PCDHA8: variants seen among roughly 807,000 people sequenced by gnomAD.
PCDHA8 encodes protocadherin alpha 8, also known as protocadherin alpha-8.
In PCDHA8, 53 loss-of-function variants were observed where a neutral mutation model predicts 61.8. The observed-to-expected ratio is 0.86, with a 90% confidence interval of 0.69 to 1.08. The LOEUF (loss-of-function observed/expected upper bound fraction) is 1.08. Ranked by LOEUF, PCDHA8 falls within the 50% of genes least tolerant of loss-of-function variation. The pLI is 0.00. For missense variants in PCDHA8, 1,293 were observed against 1,245.0 expected (o/e 1.04, Z -0.58); for synonymous variants, 618 against 556.6 (o/e 1.11, Z -1.55).
chr5:140,965,678 T>C (rs937496921), intron 1 of PCDHA8, among the ~76,000 whole-genome samples: 1 of 152,182 alleles, frequency 6.6e-6, no homozygotes, highest in Non-Finnish European at 1.5e-5. Context: ...ATGTAAAAGA[T>C]TTGAAGCAAG....
Position 140,946,631 on chromosome 5 carries a change from T to TATATATATATATATAC in PCDHA8, c.2395-32317_2395-32316insTATATATATATATACA, listed in dbSNP as rs57893927. On this transcript the variant is annotated intron_variant, in intron 1 of 3. Coordinates refer to ENST00000531613, the MANE Select transcript of PCDHA8 (RefSeq NM_018911.3). The stretch of plus-strand genomic sequence containing the variant: ...TGTGAAATATATATATATATATATA[T>TATATATATATATATAC]ACAATGGAATACTCATCAGCCATTA... 8.0e-3 allele frequency among the ~76,000 whole-genome samples: 1,048 copies of TATATATATATATATAC among 131,788 alleles called. 65 individuals carry two copies. Among genetic ancestry groups the TATATATATATATATAC allele is most frequent in the African/African-American group, 0.026 (735 of 28,674 alleles). The allele number at this position is 131,788 out of a possible 152,430, so 86.5% of individuals were successfully genotyped here. A position where few individuals can be genotyped will look rare whatever the true frequency, so the allele number is the denominator to read the frequency against.
chr5:140,884,423 AC>A, intron 1 of PCDHA8: 3 of 1,613,932 alleles, frequency 1.9e-6, no homozygotes, highest in Non-Finnish European at 2.5e-6. Flanking sequence ...GCTGCTGTAT[AC>A]TGCGCTGCGG....
chr5:141,000,421 A>ATAT (rs1265241806), intron 3 of PCDHA8, among the ~76,000 whole-genome samples: 11 of 27,980 alleles, frequency 3.9e-4, no homozygotes, highest in South Asian at 1.9e-3. Flanking sequence ...ATATATATAT[A>ATAT]TTTTTTTTTT....
At chr5:141,005,313 T>C (rs1157761147) in intron 3 of PCDHA8, among the ~76,000 whole-genome samples, 1 of 151,958 alleles carries the variant, frequency 6.6e-6, no homozygotes, top group Non-Finnish European at 1.5e-5. Flanking sequence ...AATCTTACAG[T>C]GGTAGAGAAT....
In PCDHA8 at chr5:140,843,275, A is replaced by ACC; in HGVS notation, c.1954_1955insCC (p.Lys652ThrfsTer9). 6.3e-7 allele frequency: 1 copy of ACC among 1,595,960 alleles called. No homozygotes were observed. The highest frequency in any genetic ancestry group is 2.2e-5 in the East Asian group (1 of 44,824). On this transcript the variant is annotated frameshift_variant, in exon 1 of 4. Transcript: ENST00000531613. LOFTEE classifies it high-confidence loss of function. ...GCGCCACCGTCTGCTGGTCCTGGTG[A>ACC]AGGATCATGGTGAACCTGCGCTGAC...
intron 1 of PCDHA8, chr5:140,968,562 C>G: frequency 6.2e-7 from 1 of 1,614,208 alleles, no homozygotes; most frequent in South Asian, 1.1e-5. Flanking sequence ...CGAACTGCCC[C>G]TGCTGGCTAC....
chr5:140,884,821 G>T (rs1470699415), intron 1 of PCDHA8: 1 of 1,011,638 alleles, frequency 9.9e-7, no homozygotes, highest in Admixed American at 3.4e-5. Context: ...TGGACATTAT[G>T]TGTTGGATTA....
chr5:140,846,306 A>G (rs1444661370), intron 1 of PCDHA8, among the ~76,000 whole-genome samples: 4 of 147,710 alleles, frequency 2.7e-5, no homozygotes, highest in South Asian at 4.3e-4. Context: ...TAAGTAAACC[A>G]TTTATGTAGA....
chr5:140,869,330 A>G (rs1554162906), intron 1 of PCDHA8: 25 of 1,613,778 alleles, frequency 1.5e-5, no homozygotes, highest in Non-Finnish European at 2.0e-5. Context: ...GACCTTCTGG[A>G]GGTAAATCTG....
intron 3 of PCDHA8, among the ~76,000 whole-genome samples, chr5:140,985,090 A>C (rs1214396432): frequency 6.6e-6 from 1 of 152,076 alleles, no homozygotes; most frequent in Non-Finnish European, 1.5e-5. Context: ...GGCGTGTGCC[A>C]CCAAGCCTGG....
Position 140,843,444 on chromosome 5 carries a change from C to G in PCDHA8, c.2123C>G (p.Ser708Cys). The G allele has an allele frequency of 1.3e-6, 2 of 1,596,146 alleles. 1 individual carries two copies. ...CTGATCATCGCCATCTGCGCGGTAT[C>G]CAGCCTGCTGGTGCTCACGCTGCTG... ...VYLIIAICAV[S>C]SLLVLTLLLY... is the part of the protein sequence containing the mutation. The change falls in exon 1 of 4, where the codon TCC (serine) becomes TGC (cysteine). Residue 708 changes from serine (S) to cysteine (C), a missense_variant. By Grantham distance (112) the Ser-to-Cys change is moderately radical. Transcript: ENST00000531613.
At chr5:141,002,134 C>T (rs1477082485) in intron 3 of PCDHA8, among the ~76,000 whole-genome samples, 1 of 152,216 alleles carries the variant, frequency 6.6e-6, no homozygotes, top group African/African-American at 2.4e-5. Flanking sequence ...TAGCCTTTGC[C>T]GGCTGCACTG....
chr5:140,976,374 A>G (rs1163913998), intron 1 of PCDHA8, among the ~76,000 whole-genome samples: 2 of 152,040 alleles, frequency 1.3e-5, no homozygotes, highest in Non-Finnish European at 2.9e-5. Context: ...AACATGGTGA[A>G]ACCCCATCTC....
Position 141,010,339 on chromosome 5 carries a change from A to C in PCDHA8, c.*402A>C. ...TTGAGCAGCTTGGGAGTTTGTGGCCACTGGGTATGTGTGGCTACCGCGGGT... is the reference window on the plus strand; with the variant it reads ...TTGAGCAGCTTGGGAGTTTGTGGCCCCTGGGTATGTGTGGCTACCGCGGGT... On this transcript the variant is annotated 3_prime_UTR_variant, in exon 4 of 4. Coordinates refer to ENST00000531613, the MANE Select transcript of PCDHA8 (RefSeq NM_018911.3). 6.5e-7 allele frequency: 1 copy of C among 1,534,060 alleles called. No homozygotes were observed. The highest frequency in any genetic ancestry group is 8.8e-7 in the Non-Finnish European group (1 of 1,140,682).
Position 140,849,870 on chromosome 5 carries a change from G to A in PCDHA8, c.2394+6155G>A, listed in dbSNP as rs2150455328. 1.3e-5 allele frequency: 21 copies of A among 1,598,494 alleles called. 3 individuals are homozygous for A. The highest frequency in any genetic ancestry group is 5.1e-5 in the Admixed American group (3 of 59,300). The stretch of plus-strand genomic sequence containing the variant: ...CAACGCACCAGCGTTCGCGCAGTCC[G>A]AGTACACGGTGTTCGTGAAGGAGAA... On this transcript the variant is annotated intron_variant, in intron 1 of 3. Transcript: ENST00000531613.
intron 1 of PCDHA8, among the ~76,000 whole-genome samples, chr5:140,844,826 C>T (rs1554140734): frequency 6.7e-6 from 1 of 149,170 alleles, no homozygotes; most frequent in East Asian, 1.9e-4. Context: ...TGTCTTTTTA[C>T]ACGTTTGCTT....
At chr5:140,958,139 A>T (rs1196467618) in intron 1 of PCDHA8, among the ~76,000 whole-genome samples, 2 of 152,112 alleles carry the variant, frequency 1.3e-5, no homozygotes, top group African/African-American at 2.4e-5. Context: ...CAGTGTGTAT[A>T]TTTATATAGC....
intron 1 of PCDHA8, among the ~76,000 whole-genome samples, chr5:140,975,516 G>A (rs1310855349): frequency 6.6e-6 from 1 of 152,284 alleles, no homozygotes; most frequent in South Asian, 2.1e-4. Flanking sequence ...TGCAAAATCT[G>A]CAGTGGATAT....
In PCDHA8 at chr5:141,009,726, C is replaced by A. The variant is rs373683237; in HGVS notation, c.2642C>A (p.Pro881His). Residue 881 changes from proline to histidine, a missense_variant, in exon 4 of 4, where the codon CCC (proline) becomes CAC (histidine). By Grantham distance (77) the Pro-to-His change is moderately conservative (BLOSUM62 -2). Coordinates refer to ENST00000531613, the MANE Select transcript of PCDHA8 (RefSeq NM_018911.3). ...YGPGNPKQSGPGELPDKFIIP... is the reference protein window; with the variant it reads ...YGPGNPKQSGHGELPDKFIIP... The stretch of plus-strand genomic sequence containing the variant: ...CCAGGCAACCCCAAACAATCCGGTC[C>A]CGGTGAGTTGCCCGACAAATTCATT... 85 of 1,614,016 alleles carry A rather than the reference C, an allele frequency of 5.3e-5. No individual in the cohort carries two copies. Among genetic ancestry groups the A allele is most frequent in the Non-Finnish European group, 4.4e-5 (52 of 1,180,032 alleles).
Sources: allele counts gnomAD v4.1 joint callset (sites outside exome capture counted in the v4.1 genomes callset), GRCh38; gene constraint gnomAD v4.1.1; transcripts MANE v1.5; gene names NCBI Gene and HGNC (gene_info 2026-07-23, HGNC 2026-07-21).